The following SUGCT variants were observed in gnomAD, a reference collection of about 807,000 sequenced individuals.
SUGCT encodes the protein succinyl-CoA:glutarate-CoA transferase, also known as succinyl-CoA:glutarate CoA-transferase.
In SUGCT, 41 loss-of-function variants were observed where a neutral mutation model predicts 55.0. The observed-to-expected ratio is 0.74, with a 90% CI of 0.58 to 0.97. The LOEUF is 0.97. SUGCT is among the 50% of genes least tolerant of loss of function. The pLI is 0.00. For synonymous variants in SUGCT, 187 were observed against 200.4 expected (o/e 0.93, Z 0.56); for missense variants, 568 against 547.8 (o/e 1.04, Z -0.37).
intron 9 of SUGCT, among the ~76,000 whole-genome samples, chr7:40,371,783 A>G (rs1248197903): frequency 6.6e-6 from 1 of 152,110 alleles, no homozygotes; most frequent in Non-Finnish European, 1.5e-5. Flanking sequence ...CTTCGAAAAG[A>G]TTACAGAAAA....
chr7:40,756,186 T>G (rs1788245016), intron 13 of SUGCT, among the ~76,000 whole-genome samples: 1 of 152,184 alleles, frequency 6.6e-6, no homozygotes, highest in Admixed American at 6.5e-5. Flanking sequence ...TATACCTTCA[T>G]AAGCTCCCAG....
At chr7:40,879,848 T>C in the SUGCT span, among the ~76,000 whole-genome samples, 1 of 152,192 alleles carries the variant, frequency 6.6e-6, no homozygotes, top group Non-Finnish European at 1.5e-5. Flanking sequence ...GACGTTCTTG[T>C]GGCAGACATA....
At chr7:40,960,529 CA>C in the SUGCT span, among the ~76,000 whole-genome samples, 1 of 152,170 alleles carries the variant, frequency 6.6e-6, no homozygotes, top group African/African-American at 2.4e-5. Flanking sequence ...ATAAGCATTT[CA>C]GATACCAAAA....
At chr7:40,818,200 TG>T (rs1791776805) in intron 13 of SUGCT, among the ~76,000 whole-genome samples, 1 of 152,244 alleles carries the variant, frequency 6.6e-6, no homozygotes, top group Non-Finnish European at 1.5e-5. Context: ...CACCCTGGTC[TG>T]TCTACAGGCA....
At chr7:40,497,715 C>T (rs530343889) in intron 12 of SUGCT, among the ~76,000 whole-genome samples, 10 of 152,122 alleles carry the variant, frequency 6.6e-5, no homozygotes, top group African/African-American at 1.9e-4. Flanking sequence ...TTGAGGTGTA[C>T]GTAGAACTTC....
rs139491311 is a variant in SUGCT, at chr7:40,619,330, A to G, written c.1089+122944A>G. ...TGTTTGTATTATTGTCTTCCATCCT[A>G]TAGTAGGCCAGTATATTTAAAATGA... On this transcript the variant is annotated intron_variant, in intron 12 of 13. Coordinates refer to ENST00000335693, the MANE Select transcript of SUGCT (RefSeq NM_001193313.2). Among the ~76,000 whole-genome samples, 1,070 of 152,336 alleles carry G rather than the reference A, an allele frequency of 7.0e-3. 48 individuals are homozygous for G. Among genetic ancestry groups the G allele is most frequent in the Admixed American group, 0.065 (997 of 15,300 alleles).
At chr7:40,690,966 C>G (rs968950321) in intron 12 of SUGCT, among the ~76,000 whole-genome samples, 7 of 152,214 alleles carry the variant, frequency 4.6e-5, no homozygotes, top group Non-Finnish European at 7.3e-5. Context: ...TCTGGTTCTT[C>G]TCCAGAGGAA....
At chr7:40,867,318 CAT>C in the SUGCT span, among the ~76,000 whole-genome samples, 43 of 149,060 alleles carry the variant, frequency 2.9e-4, no homozygotes, top group Middle Eastern at 3.6e-3. Flanking sequence ...AATATTGGAG[CAT>C]ATATATATAT....
At chr7:41,018,256 G>C in the SUGCT span, among the ~76,000 whole-genome samples, 1 of 152,102 alleles carries the variant, frequency 6.6e-6, no homozygotes, top group African/African-American at 2.4e-5. Flanking sequence ...GTGCAGGGGA[G>C]GAGGCTCCAG....
chr7:40,169,692 C>A (rs1784581688), intron 1 of SUGCT, among the ~76,000 whole-genome samples: 1 of 152,076 alleles, frequency 6.6e-6, no homozygotes, highest in African/African-American at 2.4e-5. Context: ...TTCGCTTTTC[C>A]AAAGCCTCCA....
At chr7:40,907,567 T>C in the SUGCT span, among the ~76,000 whole-genome samples, 7 of 152,188 alleles carry the variant, frequency 4.6e-5, no homozygotes, top group Admixed American at 4.6e-4. Context: ...CAAAAGACCC[T>C]ATGAAGTAGG....
intron 12 of SUGCT, among the ~76,000 whole-genome samples, chr7:40,700,488 A>G (rs1320022205): frequency 6.6e-6 from 1 of 152,220 alleles, no homozygotes; most frequent in Non-Finnish European, 1.5e-5. Context: ...CCAGAAAGAA[A>G]TAGGGCAACA....
the SUGCT span, among the ~76,000 whole-genome samples, chr7:40,916,990 G>A: frequency 2.0e-5 from 3 of 152,154 alleles, no homozygotes; most frequent in Non-Finnish European, 4.4e-5. Context: ...ATAAAAGAGG[G>A]CCCCAGGAAC....
the SUGCT span, among the ~76,000 whole-genome samples, chr7:40,987,655 G>A: frequency 0.05 from 7,594 of 152,244 alleles, 258 homozygotes; most frequent in South Asian, 0.13. Context: ...ATTTGAGGAA[G>A]CAATGATGAA....
intron 12 of SUGCT, among the ~76,000 whole-genome samples, chr7:40,602,060 A>G (rs907120916): frequency 6.6e-6 from 1 of 152,186 alleles, no homozygotes; most frequent in Non-Finnish European, 1.5e-5. Flanking sequence ...AATTTTAAAC[A>G]TGGTTTCACT....
rs138984553 is a variant in SUGCT, at chr7:40,440,145, GTTTTTTTTTTTTTTT to G, written c.817-9124_817-9110del. Among the ~76,000 whole-genome samples the G allele has an allele frequency of 7.0e-3, 479 of 68,466 alleles. 7 individuals carry two copies. The highest frequency in any genetic ancestry group is 0.029 in the African/African-American group (430 of 14,926). The allele number at this position is 68,466 out of a possible 152,430, so 44.9% of individuals were successfully genotyped here. On this transcript the variant is annotated intron_variant, in intron 9 of 13. Transcript: ENST00000335693. ...TCAAGTTTTTTGTCTGTGTGTGTGT[GTTTTTTTTTTTTTTT>G]TTTTTTTTTTTTTTTTTAAGACTGG...
intron 6 of SUGCT, among the ~76,000 whole-genome samples, chr7:40,237,075 C>T (rs758153269): frequency 5.9e-5 from 9 of 151,702 alleles, no homozygotes; most frequent in East Asian, 2.0e-4. Context: ...TCAAGTGATC[C>T]GCCCACCTCA....
intron 12 of SUGCT, among the ~76,000 whole-genome samples, chr7:40,529,688 AT>A (rs200349258): frequency 3.3e-5 from 5 of 151,946 alleles, no homozygotes; most frequent in African/African-American, 7.2e-5. Flanking sequence ...AAGTTAAAGG[AT>A]TTTTTTTTCC....
intron 8 of SUGCT, among the ~76,000 whole-genome samples, chr7:40,278,077 C>G (rs1487978569): frequency 2.0e-5 from 3 of 152,076 alleles, no homozygotes; most frequent in African/African-American, 7.2e-5. Context: ...TTTTCTTAAT[C>G]CAGTCTATCA....
Sources: allele counts gnomAD v4.1 joint callset (sites outside exome capture counted in the v4.1 genomes callset), GRCh38; gene constraint gnomAD v4.1.1; transcripts MANE v1.5; gene names NCBI Gene and HGNC (gene_info 2026-07-23, HGNC 2026-07-21).